CACNA2D1: variants seen among roughly 807,000 people sequenced by gnomAD.
CACNA2D1 encodes the protein calcium voltage-gated channel auxiliary subunit alpha2delta 1.
Under a neutral mutation model 171.5 loss-of-function variants are expected in CACNA2D1, and 53 were observed. The observed-to-expected ratio is 0.31, with a 90% CI of 0.25 to 0.39. The LOEUF (loss-of-function observed/expected upper bound fraction) is 0.39. CACNA2D1 is among the 10% of genes least tolerant of loss of function. CACNA2D1 has a pLI of 1.00. For missense variants in CACNA2D1, 903 were observed against 1,299.8 expected (o/e 0.69, Z 4.69); for synonymous variants, 442 against 443.1 (o/e 1.00, Z 0.03).
rs191308804 is a variant in CACNA2D1, at chr7:82,377,990, G to A, written c.96-28341C>T. On this transcript the variant is annotated intron_variant, in intron 1 of 38. Transcript: ENST00000356860. The stretch of plus-strand genomic sequence containing the variant: ...GTATGGCCTGTATGATCCTGGGCAG[G>A]ATGCTTTGTCTCCTTAAATTTGTAT... Among the ~76,000 whole-genome samples, 616 of 152,258 alleles carry A rather than the reference G, an allele frequency of 4.0e-3. 3 individuals are homozygous for A. Among genetic ancestry groups the A allele is most frequent in the Admixed American group, 4.9e-3 (75 of 15,280 alleles).
intron 3 of CACNA2D1, among the ~76,000 whole-genome samples, chr7:82,289,943 T>C (rs2129393934): frequency 6.6e-6 from 1 of 152,374 alleles, no homozygotes; most frequent in South Asian, 2.1e-4. Context: ...CCCTTAACTT[T>C]TTTGTTGCTG....
chr7:82,200,707 C>T (rs1465327274), intron 3 of CACNA2D1, among the ~76,000 whole-genome samples: 3 of 149,000 alleles, frequency 2.0e-5, no homozygotes, highest in African/African-American at 7.7e-5. Context: ...CAAGCTCTTC[C>T]ATGATTCTGG....
At chr7:82,251,975 A>G (rs1281153899) in intron 3 of CACNA2D1, among the ~76,000 whole-genome samples, 1 of 152,228 alleles carries the variant, frequency 6.6e-6, no homozygotes, top group Non-Finnish European at 1.5e-5. Context: ...TCTATGATAT[A>G]TGTACTTTGG....
intron 3 of CACNA2D1, among the ~76,000 whole-genome samples, chr7:82,243,277 T>G (rs897548561): frequency 6.6e-6 from 1 of 152,138 alleles, no homozygotes; most frequent in Non-Finnish European, 1.5e-5. Flanking sequence ...GAGGCACCAT[T>G]AAGAAACAAT....
At chr7:82,031,044 G>A (rs1017905467) in intron 12 of CACNA2D1, among the ~76,000 whole-genome samples, 10 of 151,866 alleles carry the variant, frequency 6.6e-5, no homozygotes, top group African/African-American at 2.4e-4. Flanking sequence ...TGATGTATTA[G>A]GAACTATCAC....
chr7:82,351,428 A>T (rs11978957), intron 1 of CACNA2D1, among the ~76,000 whole-genome samples: 19,637 of 151,952 alleles, frequency 0.13, 1,891 homozygotes, highest in African/African-American at 0.27. Context: ...CAGTTATAAA[A>T]AAGGATGAAA....
intron 3 of CACNA2D1, among the ~76,000 whole-genome samples, chr7:82,207,190 G>A (rs1453469344): frequency 6.6e-6 from 1 of 152,176 alleles, no homozygotes; most frequent in African/African-American, 2.4e-5. Context: ...GGAGCTGGTA[G>A]GTGTCAGAGG....
At chr7:82,166,273 G>T (rs893617339) in intron 4 of CACNA2D1, among the ~76,000 whole-genome samples, 2 of 151,866 alleles carry the variant, frequency 1.3e-5, no homozygotes, top group Non-Finnish European at 2.9e-5. Flanking sequence ...ACTCAATAAC[G>T]TACAACTTCA....
At chr7:82,404,701 C>T (rs1001200843) in intron 1 of CACNA2D1, among the ~76,000 whole-genome samples, 2 of 152,138 alleles carry the variant, frequency 1.3e-5, no homozygotes, top group South Asian at 4.1e-4. Flanking sequence ...CCAGTCAATA[C>T]TATTAATTTT....
intron 1 of CACNA2D1, among the ~76,000 whole-genome samples, chr7:82,421,441 G>A (rs948229610): frequency 2.0e-5 from 3 of 152,142 alleles, no homozygotes; most frequent in Non-Finnish European, 4.4e-5. Flanking sequence ...GACATCACTA[G>A]GAAGATTCTG....
chr7:82,399,859 T>C (rs1274018170), intron 1 of CACNA2D1, among the ~76,000 whole-genome samples: 4 of 152,134 alleles, frequency 2.6e-5, no homozygotes, highest in Non-Finnish European at 5.9e-5. Context: ...TAATAGGAAA[T>C]CTTCTACATT....
intron 3 of CACNA2D1, among the ~76,000 whole-genome samples, chr7:82,265,038 C>T (rs1015940835): frequency 2.6e-5 from 4 of 152,168 alleles, no homozygotes; most frequent in African/African-American, 7.2e-5. Context: ...CATAAGTCTT[C>T]GTCCAAACCC....
intron 3 of CACNA2D1, among the ~76,000 whole-genome samples, chr7:82,307,191 T>C (rs1813843041): frequency 6.6e-6 from 1 of 152,138 alleles, no homozygotes; most frequent in Admixed American, 6.6e-5. Context: ...AGAGTCTTGT[T>C]CTGTTGCCCA....
At chr7:82,092,296 A>C (rs1811263809) in intron 6 of CACNA2D1, among the ~76,000 whole-genome samples, 1 of 152,206 alleles carries the variant, frequency 6.6e-6, no homozygotes, top group African/African-American at 2.4e-5. Flanking sequence ...AACATTATGT[A>C]ATTTGTAAAA....
intron 1 of CACNA2D1, among the ~76,000 whole-genome samples, chr7:82,393,356 T>A (rs1386786357): frequency 6.6e-6 from 1 of 152,108 alleles, no homozygotes; most frequent in African/African-American, 2.4e-5. Context: ...GAATATATGA[T>A]CCATGCTGGA....
intron 3 of CACNA2D1, among the ~76,000 whole-genome samples, chr7:82,320,046 C>T (rs1815622458): frequency 6.6e-6 from 1 of 151,640 alleles, no homozygotes; most frequent in Non-Finnish European, 1.5e-5. Flanking sequence ...TATCTGGAAT[C>T]AGTAACTGCA....
chr7:82,047,606 T>C lies in CACNA2D1; in HGVS notation c.880-9371A>G, dbSNP rs1266906010. Reference sequence around the variant, plus strand: ...AAAATTCTGACATCCATCTAGTACATTTTTTGTTCAGCACTGTTCTGATTG... The same window carrying C: ...AAAATTCTGACATCCATCTAGTACACTTTTTGTTCAGCACTGTTCTGATTG... On this transcript the variant is annotated intron_variant, in intron 10 of 38. Transcript: ENST00000356860. Among the ~76,000 whole-genome samples, 5 of 152,118 alleles carry C rather than the reference T, an allele frequency of 3.3e-5. No individual in the cohort carries two copies. In the East Asian group the frequency reaches 9.6e-4, roughly 29 times the overall value.
At chr7:82,214,255 C>T (rs146670834) in intron 3 of CACNA2D1, among the ~76,000 whole-genome samples, 6 of 152,276 alleles carry the variant, frequency 3.9e-5, no homozygotes, top group Admixed American at 3.9e-4. Context: ...AGTAAACTTA[C>T]CTACCTCTTC....
chr7:82,057,464 T>C (rs982781804), intron 10 of CACNA2D1, among the ~76,000 whole-genome samples: 1 of 152,022 alleles, frequency 6.6e-6, no homozygotes. Context: ...AAGGGGCAGG[T>C]AATGCAGTGC....
Sources: allele counts gnomAD v4.1 joint callset (sites outside exome capture counted in the v4.1 genomes callset), GRCh38; gene constraint gnomAD v4.1.1; transcripts MANE v1.5; gene names NCBI Gene and HGNC (gene_info 2026-07-23, HGNC 2026-07-21).